SEC14L1: variants seen among roughly 807,000 people sequenced by gnomAD.
SEC14L1 encodes SEC14-like protein 1.
Under a neutral mutation model 85.3 loss-of-function variants are expected in SEC14L1, and 48 were observed. The ratio of observed to expected loss-of-function variants is 0.56; its 90% CI spans 0.45 to 0.72. The LOEUF is 0.72. SEC14L1 is among the 30% of genes least tolerant of loss of function. The pLI is 0.00. For synonymous variants in SEC14L1, 391 were observed against 355.5 expected, an observed-to-expected ratio of 1.10 and a Z score of -1.12; for missense variants, 682 against 921.4, an observed-to-expected ratio of 0.74 and a Z score of 3.36.
chr17:77,146,314 TA>T (rs1361883660), intron 3 of SEC14L1, among the ~76,000 whole-genome samples: 1 of 152,198 alleles, frequency 6.6e-6, no homozygotes, highest in African/African-American at 2.4e-5. Flanking sequence ...GAGTGTGGCT[TA>T]AAAAGTTCAT....
chr17:77,124,261 G>A (rs1972378696), intron 3 of SEC14L1, among the ~76,000 whole-genome samples: 2 of 152,194 alleles, frequency 1.3e-5, no homozygotes, highest in South Asian at 2.1e-4. Context: ...CTACTTGGGG[G>A]GCTGAGGGGG....
chr17:77,162,229 G>A (rs542154803), intron 3 of SEC14L1, among the ~76,000 whole-genome samples: 187 of 151,894 alleles, frequency 1.2e-3, no homozygotes, highest in African/African-American at 4.4e-3. Flanking sequence ...TGCTGTATCC[G>A]TCTGCCTGGG....
chr17:77,142,492 A>G (rs1973100985), intron 1 of SEC14L1, among the ~76,000 whole-genome samples, 154 bp from the exon 2 acceptor site: 1 of 140,310 alleles, frequency 7.1e-6, no homozygotes, highest in Non-Finnish European at 1.5e-5. Context: ...TAGAAGGTGG[A>G]GGCTGCAGTG....
At chr17:77,140,264 T>C (rs1972937950), upstream of SEC14L1, among the ~76,000 whole-genome samples, 1 of 152,152 alleles carries the variant, frequency 6.6e-6, no homozygotes, top group Non-Finnish European at 1.5e-5. Flanking sequence ...GGGCAGGCCC[T>C]GGGCGCGCGT....
At chr17:77,157,874 C>G (rs1448463487) in intron 3 of SEC14L1, among the ~76,000 whole-genome samples, 1 of 151,480 alleles carries the variant, frequency 6.6e-6, no homozygotes. Flanking sequence ...TTTCAACAGG[C>G]TGTATAAATA....
At chr17:77,148,741 C>T (rs962948117) in intron 3 of SEC14L1, among the ~76,000 whole-genome samples, 1 of 152,238 alleles carries the variant, frequency 6.6e-6, no homozygotes, top group Non-Finnish European at 1.5e-5. Context: ...TGCGCACTCA[C>T]ATCTTTCATC....
At chr17:77,141,199 C>G (rs535658766) in intron 1 of SEC14L1, 92 bp downstream of exon 1, 2,202 of 151,734 alleles carry the variant, frequency 0.015, 51 homozygotes, top group Admixed American at 0.041. Flanking sequence ...CCCCCCGGAA[C>G]TCCCGGCCGC....
At chr17:77,144,047 T>G (rs932564031) in intron 3 of SEC14L1, among the ~76,000 whole-genome samples, 1 of 152,128 alleles carries the variant, frequency 6.6e-6, no homozygotes, top group Non-Finnish European at 1.5e-5. Context: ...TGAATTCACT[T>G]TAGGTGGTGT....
At chr17:77,171,207 A>G (rs1425718028) in intron 3 of SEC14L1, among the ~76,000 whole-genome samples, 2 of 152,244 alleles carry the variant, frequency 1.3e-5, no homozygotes, top group African/African-American at 4.8e-5. Context: ...GGCATCACAC[A>G]TAGCCTGGGG....
chr17:77,119,725 A>C (rs1208300530), intron 3 of SEC14L1, among the ~76,000 whole-genome samples: 1 of 152,152 alleles, frequency 6.6e-6, no homozygotes, highest in Non-Finnish European at 1.5e-5. Flanking sequence ...AACGGCCCTT[A>C]CACTCCAGCA....
intron 3 of SEC14L1, chr17:77,144,506 T>C (rs996741077): frequency 1.3e-5 from 2 of 152,268 alleles, no homozygotes; most frequent in Non-Finnish European, 2.9e-5. Context: ...AGCAGCTGGC[T>C]GCTTCTGCTC....
chr17:77,172,310 C>A (rs1974554316), intron 3 of SEC14L1, among the ~76,000 whole-genome samples: 1 of 152,160 alleles, frequency 6.6e-6, no homozygotes, highest in African/African-American at 2.4e-5. Context: ...AGAATGACTT[C>A]TTTCTCTTTT....
Position 77,213,856 on chromosome 17 carries a change from G to T in SEC14L1, c.2043-62G>T, listed in dbSNP as rs762117296. 53 of 1,594,678 alleles carry T rather than the reference G, an allele frequency of 3.3e-5. No homozygotes were observed. The African/African-American group carries it at 6.7e-4, about 20-fold the overall frequency. On this transcript the variant is annotated intron_variant, in intron 16 of 16. Coordinates refer to ENST00000436233, the MANE Select transcript of SEC14L1 (RefSeq NM_001143998.2). The surrounding 1 kb of genome is among the most constrained non-coding windows in gnomAD (Gnocchi z 7.1). ...TGGGCCACGAAGTCCAGCAGGCAGT[G>T]TGGGCCGGCGGGTGGTTGGCAGGGT...
At chr17:77,163,713 C>T (rs972115846) in intron 3 of SEC14L1, among the ~76,000 whole-genome samples, 3 of 152,176 alleles carry the variant, frequency 2.0e-5, no homozygotes, top group Non-Finnish European at 2.9e-5. Context: ...ATCAAAGGAG[C>T]GGCTCGCAGC....
At position 77,206,900 on chromosome 17, in the gene SEC14L1, T is replaced by A. The variant is rs367650529; in HGVS notation, c.1476+38T>A. On this transcript the variant is annotated intron_variant, in intron 13 of 16. Transcript: ENST00000436233. The surrounding 1 kb of genome is among the most constrained non-coding windows in gnomAD (Gnocchi z 4.3). ...GCGAGGAACTGCACATTTGGCCCCT[T>A]ATGCAGGTGGGAGAGGTCGGTGTCG... The A allele has an allele frequency of 1.0e-5, 15 of 1,470,072 alleles. No individual in the cohort carries two copies. Among genetic ancestry groups the A allele is most frequent in the Non-Finnish European group, 1.3e-5 (14 of 1,106,898 alleles). 91.1% of individuals were successfully genotyped at this position (1,470,072 alleles called of 1,614,324 possible).
intron 14 of SEC14L1, chr17:77,209,848 C>G (rs1598404850): frequency 6.4e-6 from 1 of 157,392 alleles, no homozygotes. Flanking sequence ...GCTACTTTTT[C>G]TTTTTTTTTT....
Position 77,216,781 on chromosome 17 carries a change from G to T in SEC14L1, c.*2758G>T, listed in dbSNP as rs529428396. ...ACAAATGCTTACAGGGTTTCCTCCC[G>T]AGTAATCCAATCTCACTCCCCTTGT... On this transcript the variant is annotated 3_prime_UTR_variant, in exon 17 of 17. Transcript: ENST00000436233. 2.6e-6 allele frequency: 2 copies of T among 758,456 alleles called. No individual in the cohort carries two copies. The highest frequency in any genetic ancestry group is 1.7e-5 in the African/African-American group (1 of 57,288). The allele number at this position is 758,456 out of a possible 1,614,324, so 47.0% of individuals were successfully genotyped here. A position where few individuals can be genotyped will look rare whatever the true frequency, so the allele number is the denominator to read the frequency against.
intron 3 of SEC14L1, among the ~76,000 whole-genome samples, chr17:77,133,687 C>G (rs1284709260): frequency 1.3e-5 from 2 of 151,996 alleles, no homozygotes; most frequent in African/African-American, 2.4e-5. Flanking sequence ...CCCTGTAATC[C>G]CAGCACTTTG....
At chr17:77,142,042 TC>T (rs1973074175) in intron 1 of SEC14L1, among the ~76,000 whole-genome samples, 1 of 152,176 alleles carries the variant, frequency 6.6e-6, no homozygotes, top group African/African-American at 2.4e-5. Flanking sequence ...AGTTTGGCTC[TC>T]ATTCTCATGG....
Sources: allele counts gnomAD v4.1 joint callset (sites outside exome capture counted in the v4.1 genomes callset), GRCh38; gene constraint gnomAD v4.1.1; non-coding constraint Gnocchi (gnomAD v3.1); transcripts MANE v1.5; gene names NCBI Gene and HGNC (gene_info 2026-07-23, HGNC 2026-07-21).